ATG10: variants seen among roughly 807,000 people sequenced by gnomAD.
ATG10 encodes the protein ubiquitin-like-conjugating enzyme ATG10.
In ATG10, 30 loss-of-function variants were observed where a neutral mutation model predicts 32.1. The observed-to-expected ratio is 0.94, with a 90% CI of 0.70 to 1.27. The LOEUF (loss-of-function observed/expected upper bound fraction) is 1.27, where lower values mean the gene tolerates loss of function less well. Ranked by LOEUF, ATG10 falls within the 50% of genes most tolerant of loss-of-function variation. ATG10 has a pLI of 0.00. For synonymous variants in ATG10, 87 were observed against 91.5 expected, an observed-to-expected ratio of 0.95 and a Z score of 0.28; for missense variants, 233 against 262.3, an observed-to-expected ratio of 0.89 and a Z score of 0.77.
chr5:82,016,693 C>CTT (rs572355868), intron 2 of ATG10, among the ~76,000 whole-genome samples: 2 of 142,750 alleles, frequency 1.4e-5, no homozygotes, highest in South Asian at 2.2e-4. Flanking sequence ...TTCTTTCTTT[C>CTT]TTTTTTTTTT....
At position 82,054,645 on chromosome 5, in the gene ATG10, C is replaced by G. The variant is rs529978478; in HGVS notation, c.109-3850C>G. Reference sequence around the variant, plus strand: ...CTTAGAAGTGCTTTAGTCCTTCACCCTCTTATCTCTAAAATGAGAGGCTTG... The same window carrying G: ...CTTAGAAGTGCTTTAGTCCTTCACCGTCTTATCTCTAAAATGAGAGGCTTG... On this transcript the variant is annotated intron_variant, in intron 2 of 7. Coordinates refer to ENST00000282185, the MANE Select transcript of ATG10 (RefSeq NM_031482.5). Among the ~76,000 whole-genome samples, 175 of 152,310 alleles carry G rather than the reference C, an allele frequency of 1.1e-3. 2 individuals are homozygous for G. Among genetic ancestry groups the G allele is most frequent in the Admixed American group, 2.3e-3 (35 of 15,294 alleles).
chr5:81,980,724 C>G (rs987615020), intron 1 of ATG10, among the ~76,000 whole-genome samples: 14 of 151,848 alleles, frequency 9.2e-5, no homozygotes, highest in African/African-American at 3.1e-4. Flanking sequence ...CCTGCAGCTA[C>G]CTGTCGCTCG....
At chr5:82,139,895 G>T (rs1406772734) in intron 3 of ATG10, among the ~76,000 whole-genome samples, 47 of 139,074 alleles carry the variant, frequency 3.4e-4, no homozygotes, top group Admixed American at 1.6e-3. Flanking sequence ...GAGGTGGGGG[G>T]GTCAGCCCCC....
intron 2 of ATG10, among the ~76,000 whole-genome samples, chr5:82,013,782 T>G (rs1581598566): frequency 6.6e-6 from 1 of 152,364 alleles, no homozygotes; most frequent in Admixed American, 6.5e-5. Flanking sequence ...TTCATATGTT[T>G]GTTGGCCATT....
At chr5:82,025,727 C>G (rs762933096) in intron 2 of ATG10, among the ~76,000 whole-genome samples, 2 of 152,064 alleles carry the variant, frequency 1.3e-5, no homozygotes, top group Non-Finnish European at 2.9e-5. Context: ...TGTAAACACC[C>G]TAGATTCACT....
chr5:82,230,420 G>GT (rs1746309646), intron 5 of ATG10, among the ~76,000 whole-genome samples: 1 of 151,992 alleles, frequency 6.6e-6, no homozygotes. Flanking sequence ...GGAATATATA[G>GT]TATATATGCA....
intron 4 of ATG10, among the ~76,000 whole-genome samples, chr5:82,166,769 A>G (rs1008771848): frequency 1.3e-4 from 20 of 152,108 alleles, no homozygotes; most frequent in African/African-American, 4.6e-4. Context: ...TCTCATTCTA[A>G]GAGAGTTCCG....
chr5:81,989,666 T>G (rs1761397840), intron 2 of ATG10, among the ~76,000 whole-genome samples: 1 of 152,064 alleles, frequency 6.6e-6, no homozygotes, highest in Admixed American at 6.5e-5. Context: ...TGGCACGATC[T>G]CAGCTCACTG....
At chr5:82,158,015 A>G (rs1767877519) in intron 3 of ATG10, among the ~76,000 whole-genome samples, 2 of 152,216 alleles carry the variant, frequency 1.3e-5, no homozygotes, top group South Asian at 4.1e-4. Context: ...AGAGATATGG[A>G]TCTCATTTCC....
chr5:82,201,834 C>T (rs1285731261), intron 5 of ATG10, among the ~76,000 whole-genome samples: 1 of 152,172 alleles, frequency 6.6e-6, no homozygotes, highest in Non-Finnish European at 1.5e-5. Flanking sequence ...TTGTTTTAAG[C>T]ATGCAGATCC....
chr5:82,008,366 A>G (rs1326938545), intron 2 of ATG10, among the ~76,000 whole-genome samples: 1 of 152,176 alleles, frequency 6.6e-6, no homozygotes, highest in African/African-American at 2.4e-5. Context: ...TTTGTAATAA[A>G]CACTAAATCC....
chr5:82,023,328 C>A (rs1762501274), intron 2 of ATG10, among the ~76,000 whole-genome samples: 1 of 151,480 alleles, frequency 6.6e-6, no homozygotes, highest in Admixed American at 6.6e-5. Flanking sequence ...ATGAGTGTTT[C>A]AAGTTATCAA....
At chr5:82,210,128 TG>T (rs1745440985) in intron 5 of ATG10, among the ~76,000 whole-genome samples, 1 of 152,226 alleles carries the variant, frequency 6.6e-6, no homozygotes, top group South Asian at 2.1e-4. Context: ...TTATGTGCAT[TG>T]TTTCTATTGT....
At chr5:82,016,446 T>C (rs1364732897) in intron 2 of ATG10, among the ~76,000 whole-genome samples, 2 of 152,192 alleles carry the variant, frequency 1.3e-5, no homozygotes, top group African/African-American at 4.8e-5. Flanking sequence ...TATAGGCTTA[T>C]TTTTTACGAG....
intron 2 of ATG10, among the ~76,000 whole-genome samples, chr5:82,003,612 A>G (rs1195868657): frequency 6.6e-6 from 1 of 152,250 alleles, no homozygotes; most frequent in Admixed American, 6.5e-5. Context: ...CATGTATCTT[A>G]AAAAACCATG....
At chr5:82,079,265 G>A (rs976888401) in intron 3 of ATG10, among the ~76,000 whole-genome samples, 3 of 152,094 alleles carry the variant, frequency 2.0e-5, no homozygotes, top group Middle Eastern at 3.2e-3. Flanking sequence ...ATTCCACATG[G>A]CTAGGGAGGC....
chr5:81,993,668 C>T (rs1350770472), intron 2 of ATG10, among the ~76,000 whole-genome samples: 4 of 151,794 alleles, frequency 2.6e-5, no homozygotes, highest in Middle Eastern at 3.4e-3. Flanking sequence ...CCTCGTGATC[C>T]GCCTGCCTTG....
chr5:81,983,629 C>T (rs1484818643), intron 1 of ATG10, among the ~76,000 whole-genome samples: 23 of 147,406 alleles, frequency 1.6e-4, no homozygotes, highest in Admixed American at 5.3e-4. Flanking sequence ...GGCGGCTGGC[C>T]GGGCGGGGGG....
chr5:82,241,262 T>C (rs1746791029), intron 5 of ATG10, among the ~76,000 whole-genome samples: 1 of 152,234 alleles, frequency 6.6e-6, no homozygotes, highest in African/African-American at 2.4e-5. Context: ...TTCCGCACAC[T>C]ACTGTTGCCT....
Sources: allele counts gnomAD v4.1 joint callset (sites outside exome capture counted in the v4.1 genomes callset), GRCh38; gene constraint gnomAD v4.1.1; transcripts MANE v1.5; gene names NCBI Gene and HGNC (gene_info 2026-07-23, HGNC 2026-07-21).